The following PHACTR1 variants were observed in gnomAD, a reference collection of about 807,000 sequenced individuals.
PHACTR1 encodes RPEL repeat containing 1.
A neutral mutation model predicts 69.2 loss-of-function variants in PHACTR1; 16 were observed. The ratio of observed to expected loss-of-function variants is 0.23; its 90% CI spans 0.16 to 0.35. PHACTR1 has a LOEUF of 0.35. PHACTR1 is among the 10% of genes least tolerant of loss of function. PHACTR1 has a pLI of 1.00. For synonymous variants in PHACTR1, 312 were observed against 284.5 expected (o/e 1.10, Z -0.97); for missense variants, 510 against 734.7 (o/e 0.69, Z 3.54).
At position 13,206,092 on chromosome 6, in the gene PHACTR1, C is replaced by T. The variant is rs749324917; in HGVS notation, c.942C>T (p.Asp314=). ...ACCCCTCGGGCTGCAGAATGATAGA[C>T]GAGCTCAACAAAACGCTGGCCATGA... The part of the protein sequence containing the change: ...PMHPSGCRMI[D]ELNKTLAMTM... The change falls in exon 8 of 15, where the codon GAC becomes GAT. Residue 314 remains aspartate (D), a synonymous_variant. Transcript: ENST00000332995. 19 of 1,612,186 alleles carry T rather than the reference C, an allele frequency of 1.2e-5. No homozygotes were observed. The South Asian group carries it at 1.3e-4, about 11-fold the overall frequency.
chr6:13,238,712 A>G (rs1379042739), intron 10 of PHACTR1, among the ~76,000 whole-genome samples: 1 of 152,196 alleles, frequency 6.6e-6, no homozygotes, highest in Non-Finnish European at 1.5e-5. Context: ...ACCGACACCT[A>G]GCTCCAAAGT....
At chr6:13,122,458 A>G (rs1030553419) in intron 5 of PHACTR1, among the ~76,000 whole-genome samples, 28 of 152,358 alleles carry the variant, frequency 1.8e-4, no homozygotes, top group African/African-American at 6.7e-4. Flanking sequence ...GTGTGTGCAC[A>G]TCAGCATGGT....
In PHACTR1 at chr6:13,245,051, G is replaced by A. The variant is rs148424480; in HGVS notation, c.1391+14858G>A. Among the ~76,000 whole-genome samples, 8,508 of 152,176 alleles carry A rather than the reference G, an allele frequency of 0.056. 691 individuals carry two copies. Among genetic ancestry groups the A allele is most frequent in the African/African-American group, 0.19 (7,715 of 41,494 alleles). ...ATGTTCTTCTGCCATGGTTTCAGCC[G>A]GTCCCTCTGTTTGGGGTCCCTGACT... On this transcript the variant is annotated intron_variant, in intron 10 of 14. Coordinates refer to ENST00000332995, the MANE Select transcript of PHACTR1 (RefSeq NM_030948.6). The surrounding 1 kb of genome is among the most constrained non-coding windows in gnomAD (Gnocchi z 4.1).
chr6:12,973,916 A>ATTTTTTTTTTTTTTTT (rs33948457), intron 4 of PHACTR1, among the ~76,000 whole-genome samples: 1 of 92,866 alleles, frequency 1.1e-5, no homozygotes, highest in Non-Finnish European at 2.0e-5. Context: ...AGAGGCTGGG[A>ATTTTTTTTTTTTTTTT]TTTTTTTTTT....
At chr6:13,072,401 T>C (rs7750120) in intron 5 of PHACTR1, among the ~76,000 whole-genome samples, 49,697 of 152,118 alleles carry the variant, frequency 0.33, 10,356 homozygotes, top group African/African-American at 0.59. Flanking sequence ...TATAAATAAT[T>C]GATATTAAAG....
At chr6:12,957,111 G>C (rs1182742778) in intron 4 of PHACTR1, among the ~76,000 whole-genome samples, 1 of 151,698 alleles carries the variant, frequency 6.6e-6, no homozygotes, top group African/African-American at 2.4e-5. Context: ...GTGGGGGAAA[G>C]GGGAGGCAAG....
chr6:12,832,839 G>C (rs998015414), intron 4 of PHACTR1, among the ~76,000 whole-genome samples: 1 of 152,076 alleles, frequency 6.6e-6, no homozygotes, highest in Non-Finnish European at 1.5e-5. Flanking sequence ...ACGGGGTGTG[G>C]AATAATATGC....
chr6:13,194,672 A>C (rs529287999), intron 7 of PHACTR1, among the ~76,000 whole-genome samples: 1 of 152,300 alleles, frequency 6.6e-6, no homozygotes, highest in East Asian at 1.9e-4. Flanking sequence ...CACTGCCAAA[A>C]CATGATAAGT....
At chr6:13,080,975 T>TG (rs1811288148) in intron 5 of PHACTR1, among the ~76,000 whole-genome samples, 1 of 152,162 alleles carries the variant, frequency 6.6e-6, no homozygotes, top group African/African-American at 2.4e-5. Flanking sequence ...AGCAAGCACT[T>TG]GGAGTACAAT....
intron 4 of PHACTR1, among the ~76,000 whole-genome samples, chr6:12,859,936 A>G (rs1194558468): frequency 6.6e-6 from 1 of 152,168 alleles, no homozygotes; most frequent in East Asian, 1.9e-4. Context: ...CCACTAAGGT[A>G]CCATTGCGCT....
chr6:12,827,196 A>C (rs1348711739), intron 4 of PHACTR1, among the ~76,000 whole-genome samples: 1 of 152,196 alleles, frequency 6.6e-6, no homozygotes, highest in Non-Finnish European at 1.5e-5. Flanking sequence ...ATTACTTTAG[A>C]GATAAGAACT....
intron 10 of PHACTR1, among the ~76,000 whole-genome samples, chr6:13,264,033 G>A (rs1003374950): frequency 5.3e-5 from 8 of 152,180 alleles, no homozygotes; most frequent in African/African-American, 1.9e-4. Context: ...TTTATGCTTT[G>A]GGTTTGTGAA....
intron 4 of PHACTR1, among the ~76,000 whole-genome samples, chr6:12,874,567 A>C (rs1334752603): frequency 6.6e-6 from 1 of 152,136 alleles, no homozygotes; most frequent in Non-Finnish European, 1.5e-5. Flanking sequence ...TAAAGATCTA[A>C]TTGGTAGGCT....
At chr6:12,903,382 A>C (rs1785398722) in intron 4 of PHACTR1, among the ~76,000 whole-genome samples, 1 of 152,228 alleles carries the variant, frequency 6.6e-6, no homozygotes, top group Non-Finnish European at 1.5e-5. Context: ...GCATTAGTCC[A>C]AATGTATCAT....
chr6:13,190,110 A>G (rs1204840911), intron 7 of PHACTR1, among the ~76,000 whole-genome samples: 2 of 131,712 alleles, frequency 1.5e-5, no homozygotes, highest in African/African-American at 6.0e-5. Context: ...TGCAACCTCC[A>G]CCTCCTGGGT....
At chr6:13,244,526 C>T (rs556274380) in intron 10 of PHACTR1, among the ~76,000 whole-genome samples, 93 of 152,250 alleles carry the variant, frequency 6.1e-4, no homozygotes, top group African/African-American at 1.9e-3. Flanking sequence ...AGGTACGCCC[C>T]GGGGGGCCAG....
intron 4 of PHACTR1, among the ~76,000 whole-genome samples, chr6:12,803,219 A>G (rs904456248): frequency 6.6e-6 from 1 of 151,958 alleles, no homozygotes; most frequent in African/African-American, 2.4e-5. Flanking sequence ...CTATGTGTCA[A>G]CCCCGCTGCG....
intron 4 of PHACTR1, among the ~76,000 whole-genome samples, chr6:12,966,051 G>A (rs1257648386): frequency 6.6e-6 from 1 of 152,134 alleles, no homozygotes; most frequent in Non-Finnish European, 1.5e-5. Flanking sequence ...AGAATCAATA[G>A]GCTTTGACCA....
At chr6:13,193,196 C>T (rs185526315) in intron 7 of PHACTR1, among the ~76,000 whole-genome samples, 281 of 150,068 alleles carry the variant, frequency 1.9e-3, no homozygotes, top group Middle Eastern at 3.4e-3. Context: ...GCAAAAAATA[C>T]GAGTGTGACC....
Sources: allele counts gnomAD v4.1 joint callset (sites outside exome capture counted in the v4.1 genomes callset), GRCh38; gene constraint gnomAD v4.1.1; non-coding constraint Gnocchi (gnomAD v3.1); transcripts MANE v1.5; gene names NCBI Gene and HGNC (gene_info 2026-07-23, HGNC 2026-07-21).